The following RAE1 variants were observed in gnomAD, a reference collection of about 807,000 sequenced individuals.
RAE1 encodes the protein ribonucleic acid export 1, also known as mRNA export factor RAE1.
A neutral mutation model predicts 52.7 loss-of-function variants in RAE1; 13 were observed. That is an observed-to-expected ratio of 0.25 (90% confidence interval 0.16 to 0.39). The LOEUF is 0.39. Ranked by LOEUF, RAE1 falls within the 10% of genes least tolerant of loss-of-function variation. The pLI is 1.00. For missense variants in RAE1, 262 were observed against 459.8 expected (o/e 0.57, Z 3.93); for synonymous variants, 164 against 153.1 (o/e 1.07, Z -0.52).
intron 4 of RAE1, chr20:57,357,439 G>C (rs2066807121): frequency 6.6e-6 from 1 of 152,152 alleles, no homozygotes; most frequent in Non-Finnish European, 1.5e-5. Flanking sequence ...TGTTTGGGGT[G>C]GGATGCTGGA....
intron 8 of RAE1, among the ~76,000 whole-genome samples, 197 bp downstream of exon 8, chr20:57,369,009 T>C (rs1289415275): frequency 6.6e-6 from 1 of 152,250 alleles, no homozygotes; most frequent in Admixed American, 6.5e-5. Flanking sequence ...ACTGAATTTA[T>C]GTCTTCTCCA....
At chr20:57,352,135 AAAG>A (rs766052010) in intron 1 of RAE1, 6 of 236,430 alleles carry the variant, frequency 2.5e-5, no homozygotes, top group Non-Finnish European at 4.1e-5. Context: ...TGACTTTAAA[AAAG>A]AATACGTGTG....
intron 3 of RAE1, among the ~76,000 whole-genome samples, 198 bp downstream of exon 3, chr20:57,355,014 T>C (rs76940799): frequency 0.04 from 6,054 of 152,262 alleles, 180 homozygotes; most frequent in African/African-American, 0.089. Flanking sequence ...GAAAGCACAA[T>C]CATATGTGTT....
intron 4 of RAE1, chr20:57,358,790 A>G (rs1005384006): frequency 3.8e-5 from 16 of 423,984 alleles, no homozygotes; most frequent in African/African-American, 6.1e-5. Context: ...GTCGATGTGT[A>G]ATAACTCACT....
intron 4 of RAE1, 123 bp from the exon 5 acceptor site, chr20:57,365,233 A>G (rs1366269489): frequency 4.8e-6 from 3 of 624,162 alleles, no homozygotes; most frequent in African/African-American, 3.8e-5. Context: ...CTGGTCCCCA[A>G]ACAATTGGAA....
chr20:57,354,628 C>T lies in RAE1; in HGVS notation c.91-84C>T, dbSNP rs141821431. On this transcript the variant is annotated intron_variant, in intron 2 of 11. Transcript: ENST00000395841. ...GTTCTTGTACACAAGGAAAGGCCAC[C>T]GTGAGGTAATTAGTGAGAAAGAAAA... 3,982 of 944,172 alleles carry T rather than the reference C, an allele frequency of 4.2e-3. 283 individuals are homozygous for T. The Admixed American group carries it at 0.11, about 27-fold the overall frequency. 58.5% of individuals were successfully genotyped at this position (944,172 alleles called of 1,614,324 possible).
At chr20:57,356,770 T>C (rs2066794198) in intron 4 of RAE1, among the ~76,000 whole-genome samples, 1 of 152,240 alleles carries the variant, frequency 6.6e-6, no homozygotes, top group Admixed American at 6.5e-5. Flanking sequence ...GAGAGTTTAA[T>C]GATTAAGGGA....
chr20:57,362,494 C>T (rs577690736), intron 4 of RAE1, among the ~76,000 whole-genome samples: 34 of 152,294 alleles, frequency 2.2e-4, no homozygotes, highest in Admixed American at 1.4e-3. Context: ...CTTTACTGAT[C>T]GGGCAACGGG....
At chr20:57,367,106 T>G in intron 7 of RAE1, 27 bp downstream of exon 7, 1 of 1,505,492 alleles carries the variant, frequency 6.6e-7, no homozygotes, top group Non-Finnish European at 9.1e-7. Flanking sequence ...TAATATGTAT[T>G]TACTTTAAAA....
rs762237336 is a variant in RAE1, at chr20:57,378,103, C to CT, written c.*5dup. 2.6e-5 allele frequency: 42 copies of CT among 1,600,738 alleles called. No homozygotes were observed. The South Asian group carries it at 4.7e-4, about 18-fold the overall frequency. ...AAAGCCCAGGAATAAGAAGTAGTGG[C>CT]TGGAGACTCTGGCTCAGCCAGAGTT... On this transcript the variant is annotated 3_prime_UTR_variant, in exon 12 of 12. Coordinates refer to ENST00000395841, the MANE Select transcript of RAE1 (RefSeq NM_003610.4).
chr20:57,364,536 TG>T (rs1173800681), intron 4 of RAE1, among the ~76,000 whole-genome samples: 1 of 152,222 alleles, frequency 6.6e-6, no homozygotes, highest in Non-Finnish European at 1.5e-5. Flanking sequence ...AGGAGAATGG[TG>T]GTCAATTTTT....
chr20:57,370,119 C>A (rs941012060), intron 8 of RAE1, among the ~76,000 whole-genome samples: 2 of 152,170 alleles, frequency 1.3e-5, no homozygotes, highest in Non-Finnish European at 2.9e-5. Flanking sequence ...CAGTACTGCC[C>A]GCGTCCCTAT....
In RAE1 at chr20:57,377,546, A is replaced by G. The variant is rs968999231; in HGVS notation, c.1021-467A>G. On this transcript the variant is annotated intron_variant, in intron 11 of 11. Coordinates refer to ENST00000395841, the MANE Select transcript of RAE1 (RefSeq NM_003610.4). The stretch of plus-strand genomic sequence containing the variant: ...ACACCTCCGCACACGCCTCTGGCTC[A>G]CTCACCACCGTTCATGCCTCTGCTG... 6.6e-5 allele frequency among the ~76,000 whole-genome samples: 10 copies of G among 151,920 alleles called. No individual in the cohort carries two copies. In the South Asian group the frequency reaches 1.5e-3, roughly 22 times the overall value.
At chr20:57,368,928 G>A in intron 8 of RAE1, 116 bp downstream of exon 8, 1 of 782,338 alleles carries the variant, frequency 1.3e-6, no homozygotes, top group Non-Finnish European at 2.1e-6. Flanking sequence ...TCAAAGAGGG[G>A]TGAATTGAAG....
chr20:57,353,988 T>C, intron 1 of RAE1, 44 bp from the exon 2 acceptor site: 1 of 1,511,672 alleles, frequency 6.6e-7, no homozygotes, highest in Non-Finnish European at 9.2e-7. Context: ...CTCTCAGTGA[T>C]ATTAAGAGAA....
At chr20:57,368,314 G>A (rs138477279) in intron 7 of RAE1, among the ~76,000 whole-genome samples, 1 of 152,182 alleles carries the variant, frequency 6.6e-6, no homozygotes, top group African/African-American at 2.4e-5. Context: ...ACTTGAAAAA[G>A]TGTGTGACGT....
At chr20:57,351,736 T>A in intron 1 of RAE1, 1 of 985,522 alleles carries the variant, frequency 1.0e-6, no homozygotes, top group African/African-American at 1.7e-5. Context: ...TGTCAGCTCC[T>A]GGGAGAAGCT....
At chr20:57,368,677 C>T (rs1410425495) in intron 7 of RAE1, 28 bp from the exon 8 acceptor site, 9 of 1,499,724 alleles carry the variant, frequency 6.0e-6, no homozygotes, top group Admixed American at 1.7e-5. Flanking sequence ...TCACCTGAAG[C>T]GCATCTCTGT....
In RAE1 at chr20:57,357,215, T is replaced by C. The variant is rs544656442; in HGVS notation, c.288+677T>C. ...AATGCATAGAGTTGTGTTCTAGATATAGAACAGATCCATCGGCCTCCAAAT... is the reference window on the plus strand; with the variant it reads ...AATGCATAGAGTTGTGTTCTAGATACAGAACAGATCCATCGGCCTCCAAAT... On this transcript the variant is annotated intron_variant, in intron 4 of 11. Coordinates refer to ENST00000395841, the MANE Select transcript of RAE1 (RefSeq NM_003610.4). Among the ~76,000 whole-genome samples the C allele has an allele frequency of 2.1e-3, 317 of 152,336 alleles. 2 individuals carry two copies. The highest frequency in any genetic ancestry group is 3.0e-3 in the Non-Finnish European group (206 of 68,036).
Sources: allele counts gnomAD v4.1 joint callset (sites outside exome capture counted in the v4.1 genomes callset), GRCh38; gene constraint gnomAD v4.1.1; transcripts MANE v1.5; gene names NCBI Gene and HGNC (gene_info 2026-07-23, HGNC 2026-07-21).